Variants in TUT4 observed in about 807,000 individuals in gnomAD.
The protein encoded by TUT4 is terminal uridylyl transferase 4.
TUT4 carries 36 observed loss-of-function variants against 192.2 expected under a neutral mutation model. The ratio of observed to expected loss-of-function variants is 0.19; its 90% CI spans 0.14 to 0.25. TUT4 has a LOEUF of 0.25. TUT4 is among the 10% of genes least tolerant of loss of function. The pLI is 1.00. For missense variants in TUT4, 1,493 were observed against 1,957.2 expected (o/e 0.76, Z 4.47); for synonymous variants, 618 against 666.0 (o/e 0.93, Z 1.11).
intron 4 of TUT4, among the ~76,000 whole-genome samples, chr1:52,499,281 C>T (rs1557860235): frequency 6.6e-6 from 1 of 151,984 alleles, no homozygotes; most frequent in Non-Finnish European, 1.5e-5. Flanking sequence ...CAATGGTAAT[C>T]CCAGCTACTC....
At chr1:52,502,993 C>A (rs1453435577) in intron 4 of TUT4, among the ~76,000 whole-genome samples, 1 of 152,166 alleles carries the variant, frequency 6.6e-6, no homozygotes, top group African/African-American at 2.4e-5. Context: ...CCACTATGGA[C>A]CTGGCACCGT....
chr1:52,525,448 G>T, intron 2 of TUT4, 115 bp downstream of exon 2: 1 of 1,333,356 alleles, frequency 7.5e-7, no homozygotes, highest in Non-Finnish European at 1.0e-6. Context: ...TTTCATACGG[G>T]AACAAAAGTG....
intron 9 of TUT4, among the ~76,000 whole-genome samples, chr1:52,486,300 A>G (rs1669768686): frequency 6.6e-6 from 1 of 152,174 alleles, no homozygotes; most frequent in South Asian, 2.1e-4. Flanking sequence ...AAGTCAGGTA[A>G]CTTGACTAAT....
intron 3 of TUT4, among the ~76,000 whole-genome samples, chr1:52,514,499 C>T (rs1027815469): frequency 1.3e-5 from 2 of 152,088 alleles, no homozygotes; most frequent in African/African-American, 4.8e-5. Context: ...TTCCTTTTAA[C>T]TAGGATCTTG....
intron 4 of TUT4, among the ~76,000 whole-genome samples, chr1:52,499,924 A>G (rs1159609300): frequency 2.0e-5 from 3 of 148,742 alleles, no homozygotes; most frequent in Non-Finnish European, 3.0e-5. Flanking sequence ...AAAAAAATAT[A>G]TATACATATA....
chr1:52,543,523 T>C (rs111865747), intron 1 of TUT4, among the ~76,000 whole-genome samples: 12,991 of 147,300 alleles, frequency 0.088, 1,897 homozygotes, highest in African/African-American at 0.31. Context: ...TCGCTCTCTC[T>C]CCCAGACTGG....
intron 1 of TUT4, among the ~76,000 whole-genome samples, chr1:52,545,171 T>A (rs971620167): frequency 2.0e-5 from 3 of 149,932 alleles, no homozygotes; most frequent in African/African-American, 4.9e-5. Flanking sequence ...AGGTCAGGAG[T>A]TCAAGACCAG....
intron 20 of TUT4, among the ~76,000 whole-genome samples, chr1:52,455,850 G>T (rs547794945): frequency 9.9e-5 from 15 of 152,200 alleles, no homozygotes; most frequent in African/African-American, 3.6e-4. Flanking sequence ...TGGTAGAAAT[G>T]CAAACTGGTA....
intron 9 of TUT4, among the ~76,000 whole-genome samples, chr1:52,486,274 CACG>C (rs1448574607): frequency 6.6e-6 from 1 of 152,026 alleles, no homozygotes; most frequent in Non-Finnish European, 1.5e-5. Flanking sequence ...TTACATTAAC[CACG>C]ACAAGTGGCT....
In TUT4 at chr1:52,535,981, G is replaced by A. The variant is rs142285308; in HGVS notation, c.-93-9608C>T. 1.3e-3 allele frequency among the ~76,000 whole-genome samples: 192 copies of A among 152,244 alleles called. 1 individual carries two copies. Among genetic ancestry groups the A allele is most frequent in the Non-Finnish European group, 2.4e-3 (161 of 68,022 alleles). ...AAAAAGTGAGAAAGTTCATTCTGCC[G>A]TACAAGTGCTAAAAGAAATTCTTAA... On this transcript the variant is annotated intron_variant, in intron 1 of 29. Coordinates refer to ENST00000257177, the MANE Select transcript of TUT4 (RefSeq NM_001009881.3).
intron 15 of TUT4, among the ~76,000 whole-genome samples, chr1:52,465,816 A>G (rs1663951933): frequency 6.6e-6 from 1 of 152,222 alleles, no homozygotes; most frequent in Non-Finnish European, 1.5e-5. Flanking sequence ...GTCATCCAAT[A>G]ACAGCTACCA....
intron 20 of TUT4, among the ~76,000 whole-genome samples, chr1:52,450,364 T>C (rs1406212142): frequency 6.6e-6 from 1 of 152,160 alleles, no homozygotes; most frequent in Admixed American, 6.6e-5. Context: ...AGTCTATATA[T>C]ATCACAAAGT....
intron 20 of TUT4, among the ~76,000 whole-genome samples, chr1:52,452,652 G>A (rs1232046784): frequency 6.6e-6 from 1 of 152,218 alleles, no homozygotes; most frequent in South Asian, 2.1e-4. Flanking sequence ...TTCCTAGATG[G>A]TGGTATGCCC....
intron 2 of TUT4, among the ~76,000 whole-genome samples, chr1:52,516,687 T>C (rs1678798422): frequency 6.6e-6 from 1 of 152,214 alleles, no homozygotes; most frequent in African/African-American, 2.4e-5. Context: ...ATTTTTAAAA[T>C]ATAAACCAAA....
chr1:52,498,485 C>T (rs937221601), intron 4 of TUT4, among the ~76,000 whole-genome samples: 2 of 151,938 alleles, frequency 1.3e-5, no homozygotes, highest in Admixed American at 6.6e-5. Flanking sequence ...ACCTCGTGGT[C>T]CACCCACCTC....
chr1:52,479,553 T>G (rs1226771633), intron 11 of TUT4, among the ~76,000 whole-genome samples: 1 of 152,022 alleles, frequency 6.6e-6, no homozygotes, highest in East Asian at 1.9e-4. Flanking sequence ...AAGTAAAGGA[T>G]GACTCCAAGG....
chr1:52,546,101 T>A (rs1688028655), intron 1 of TUT4, among the ~76,000 whole-genome samples: 1 of 152,020 alleles, frequency 6.6e-6, no homozygotes, highest in Admixed American at 6.6e-5. Context: ...ACCATGCCAC[T>A]GCACTCCAGC....
Position 52,430,918 on chromosome 1 carries a change from A to G in TUT4, c.4711+95T>C, listed in dbSNP as rs923534966. 2.2e-6 allele frequency: 3 copies of G among 1,384,840 alleles called. No homozygotes were observed. In the African/African-American group the frequency reaches 4.3e-5, roughly 20 times the overall value. 85.8% of individuals were successfully genotyped at this position (1,384,840 alleles called of 1,614,324 possible). A position where few individuals can be genotyped will look rare whatever the true frequency, so the allele number is the denominator to read the frequency against. On this transcript the variant is annotated intron_variant, in intron 28 of 29. Coordinates refer to ENST00000257177, the MANE Select transcript of TUT4 (RefSeq NM_001009881.3). ...TAATCCTGTACTGTCCCCTCCACAA[A>G]TACTGCTTTCCTTCTTTTTCCTCAC...
chr1:52,467,099 C>G (rs920021612), intron 15 of TUT4, among the ~76,000 whole-genome samples: 2 of 152,126 alleles, frequency 1.3e-5, no homozygotes, highest in Non-Finnish European at 2.9e-5. Flanking sequence ...GAGCTATGAT[C>G]ATGCCACTGC....
Sources: gnomAD v4.1 joint callset for allele counts (sites outside exome capture counted in the v4.1 genomes callset) on GRCh38, gnomAD v4.1.1 for gene constraint, MANE v1.5 for transcripts, NCBI Gene and HGNC (gene_info 2026-07-23, HGNC 2026-07-21) for gene names.